Variants in MCTP1 observed in about 807,000 individuals in gnomAD.
MCTP1 encodes the protein multiple C2 and transmembrane domain-containing protein 1.
In MCTP1, 69 loss-of-function variants were observed where a neutral mutation model predicts 120.6. The observed-to-expected ratio is 0.57, with a 90% CI of 0.47 to 0.70. The LOEUF (loss-of-function observed/expected upper bound fraction) is 0.70. Among genes scored for constraint, MCTP1 ranks in the 30% least tolerant of loss-of-function variants. The pLI, the probability that MCTP1 is intolerant of heterozygous loss-of-function variation, is 0.00. For missense variants in MCTP1, 1,203 were observed against 1,248.8 expected (o/e 0.96, Z 0.55); for synonymous variants, 529 against 493.1 (o/e 1.07, Z -0.96).
chr5:95,159,733 T>C (rs1248961783), intron 1 of MCTP1, among the ~76,000 whole-genome samples: 3 of 152,076 alleles, frequency 2.0e-5, no homozygotes, highest in African/African-American at 7.2e-5. Context: ...TTGAGAGTCA[T>C]TTCTCTGGAA....
Position 94,738,213 on chromosome 5 carries a change from GAAT to G in MCTP1, c.2611-23330_2611-23328del, listed in dbSNP as rs1190175120. ...AGTTTTAGCCCCCAGAAATTTGGCA[GAAT>G]AATATCTTTTGAAATTCCTTTTCAA... On this transcript the variant is annotated intron_variant, in intron 19 of 22. Transcript: ENST00000515393. Among the ~76,000 whole-genome samples the G allele has an allele frequency of 2.6e-5, 4 of 152,282 alleles. No individual in the cohort carries two copies. The East Asian group carries it at 7.7e-4, about 29-fold the overall frequency.
chr5:94,988,353 C>T (rs956572092), intron 2 of MCTP1, among the ~76,000 whole-genome samples: 2 of 151,736 alleles, frequency 1.3e-5, no homozygotes, highest in African/African-American at 4.8e-5. Flanking sequence ...CACAGAATAG[C>T]AGTGTATTTT....
At chr5:95,117,915 A>G (rs1272613086) in intron 1 of MCTP1, among the ~76,000 whole-genome samples, 1 of 152,232 alleles carries the variant, frequency 6.6e-6, no homozygotes, top group East Asian at 1.9e-4. Context: ...ACGCAGGAGT[A>G]GAAAACCAAA....
intron 5 of MCTP1, among the ~76,000 whole-genome samples, chr5:94,939,517 T>G (rs577857962): frequency 6.6e-6 from 1 of 152,124 alleles, no homozygotes; most frequent in East Asian, 1.9e-4. Context: ...AGGTCCTCTG[T>G]GTCCCTTGTC....
chr5:95,229,903 A>T (rs751023856), intron 1 of MCTP1, among the ~76,000 whole-genome samples: 4 of 152,092 alleles, frequency 2.6e-5, no homozygotes, highest in Admixed American at 6.6e-5. Context: ...GGACTGGAAA[A>T]GTGATCTCCC....
At chr5:95,230,299 T>A (rs1035976628) in intron 1 of MCTP1, among the ~76,000 whole-genome samples, 1 of 151,680 alleles carries the variant, frequency 6.6e-6, no homozygotes, top group Non-Finnish European at 1.5e-5. Context: ...AACAATCCAA[T>A]GAAATAGGTC....
chr5:95,148,365 A>T (rs530983581), intron 1 of MCTP1, among the ~76,000 whole-genome samples: 2 of 152,318 alleles, frequency 1.3e-5, no homozygotes, highest in Middle Eastern at 3.4e-3. Context: ...GTCTCTTTAT[A>T]AAATTCCATA....
At chr5:95,132,030 C>A (rs568705240) in intron 1 of MCTP1, among the ~76,000 whole-genome samples, 1 of 152,260 alleles carries the variant, frequency 6.6e-6, no homozygotes, top group African/African-American at 2.4e-5. Flanking sequence ...TCACTATAAC[C>A]ATCATTTTTC....
At chr5:95,022,094 T>A (rs1332682575) in intron 1 of MCTP1, among the ~76,000 whole-genome samples, 2 of 152,186 alleles carry the variant, frequency 1.3e-5, no homozygotes, top group Non-Finnish European at 2.9e-5. Flanking sequence ...TAATGTACAA[T>A]CATGATTATG....
At chr5:95,086,744 A>G (rs1755467806) in intron 1 of MCTP1, among the ~76,000 whole-genome samples, 1 of 152,246 alleles carries the variant, frequency 6.6e-6, no homozygotes, top group South Asian at 2.1e-4. Context: ...TTTACAATCA[A>G]TGATCCAATC....
rs184954260 is a variant in MCTP1 at position 95,074,543 on chromosome 5, C to T, written c.721-57059G>A. 2.7e-3 allele frequency among the ~76,000 whole-genome samples: 411 copies of T among 152,260 alleles called. 5 individuals carry two copies. The highest frequency in any genetic ancestry group is 9.7e-3 in the African/African-American group (402 of 41,556). The stretch of plus-strand genomic sequence containing the variant: ...AATTTGTATTTATGAAGTTTGAACA[C>T]GCATTTATTTTTAGGATCTGGAAAG... On this transcript the variant is annotated intron_variant, in intron 1 of 22. Transcript: ENST00000515393.
chr5:95,248,001 TA>T (rs1269352673), intron 1 of MCTP1, among the ~76,000 whole-genome samples: 1 of 152,184 alleles, frequency 6.6e-6, no homozygotes, highest in African/African-American at 2.4e-5. Flanking sequence ...CTCAATAAAC[TA>T]GGTTTTGATG....
intron 1 of MCTP1, among the ~76,000 whole-genome samples, chr5:95,136,684 T>C (rs140102186): frequency 1.3e-5 from 2 of 152,318 alleles, no homozygotes; most frequent in East Asian, 1.9e-4. Context: ...TAATTTTATA[T>C]GTAAATACTA....
chr5:95,024,120 A>G (rs1222284725), intron 1 of MCTP1: 2 of 437,478 alleles, frequency 4.6e-6, no homozygotes, highest in East Asian at 7.4e-5. Flanking sequence ...CCATTTGTCT[A>G]TTTTTGCTTT....
intron 19 of MCTP1, among the ~76,000 whole-genome samples, chr5:94,723,353 G>C (rs1761341005): frequency 1.3e-5 from 2 of 152,134 alleles, no homozygotes; most frequent in South Asian, 4.1e-4. Flanking sequence ...TCTTAAAACA[G>C]TTCTCAAACA....
chr5:94,988,000 A>G (rs1830726136), intron 2 of MCTP1, among the ~76,000 whole-genome samples: 1 of 152,226 alleles, frequency 6.6e-6, no homozygotes, highest in Non-Finnish European at 1.5e-5. Context: ...CTCTGTGACC[A>G]TCATATAAAT....
At chr5:94,798,415 C>T (rs1395101783) in intron 18 of MCTP1, among the ~76,000 whole-genome samples, 1 of 152,112 alleles carries the variant, frequency 6.6e-6, no homozygotes, top group African/African-American at 2.4e-5. Context: ...TCAAAAATGC[C>T]AGAGGACAGG....
intron 19 of MCTP1, among the ~76,000 whole-genome samples, chr5:94,728,218 G>C (rs1166512845): frequency 6.6e-6 from 1 of 152,132 alleles, no homozygotes; most frequent in Non-Finnish European, 1.5e-5. Context: ...GGGAGAAAGG[G>C]CAAGAAAAAG....
chr5:94,934,973 C>T (rs1815813976), intron 5 of MCTP1, among the ~76,000 whole-genome samples: 2 of 151,808 alleles, frequency 1.3e-5, no homozygotes, highest in African/African-American at 4.8e-5. Flanking sequence ...GACAAATTGC[C>T]ATATATAGGA....
Sources: allele counts gnomAD v4.1 joint callset (sites outside exome capture counted in the v4.1 genomes callset), GRCh38; gene constraint gnomAD v4.1.1; transcripts MANE v1.5; gene names NCBI Gene and HGNC (gene_info 2026-07-23, HGNC 2026-07-21).